The following CELF2 variants were observed in gnomAD, a reference collection of about 807,000 sequenced individuals.
CELF2 encodes the protein CUG triplet repeat RNA-binding protein 2.
In CELF2, 8 loss-of-function variants were observed where a neutral mutation model predicts 62.6. The ratio of observed to expected loss-of-function variants is 0.13; its 90% confidence interval spans 0.07 to 0.23. CELF2 has a LOEUF of 0.23. Ranked by LOEUF, CELF2 falls within the 10% of genes least tolerant of loss-of-function variation. The probability of loss-of-function intolerance (pLI) is 1.00; values close to 1 mark genes in which losing one functional copy is unlikely to be tolerated. For synonymous variants in CELF2, 258 were observed against 250.0 expected (o/e 1.03, Z -0.30); for missense variants, 333 against 671.0 (o/e 0.50, Z 5.56).
chr10:11,115,910 C>T (rs1490298902), intron 1 of CELF2, among the ~76,000 whole-genome samples: 1 of 152,120 alleles, frequency 6.6e-6, no homozygotes, highest in African/African-American at 2.4e-5. Flanking sequence ...ACATCTTGTA[C>T]CACCTTCCTT....
chr10:10,979,674 A>G (rs2051826083), intron 2 of CELF2, among the ~76,000 whole-genome samples: 1 of 102,308 alleles, frequency 9.8e-6, no homozygotes, highest in African/African-American at 7.2e-5. Context: ...TTGTCTCTCA[A>G]AAAAAAAAAA....
At chr10:11,065,180 T>C (rs2067765001) in intron 1 of CELF2, among the ~76,000 whole-genome samples, 1 of 152,190 alleles carries the variant, frequency 6.6e-6, no homozygotes, top group Non-Finnish European at 1.5e-5. Context: ...AGGTGGTCAG[T>C]GTATCTTGGG....
intron 12 of CELF2, 62 bp downstream of exon 12, chr10:11,326,041 G>C: frequency 6.7e-7 from 1 of 1,501,678 alleles, no homozygotes; most frequent in Admixed American, 2.0e-5. Context: ...GTCGTGGGAA[G>C]GAAAATGTGA....
At chr10:11,164,967 T>G in intron 1 of CELF2, 5 of 651,150 alleles carry the variant, frequency 7.7e-6, no homozygotes, top group Non-Finnish European at 9.5e-6. Flanking sequence ...TGCCAAGTGT[T>G]TCATTTTCTT....
At chr10:10,904,881 T>C (rs1240968986) in intron 1 of CELF2, among the ~76,000 whole-genome samples, 16 of 152,224 alleles carry the variant, frequency 1.1e-4, no homozygotes, top group Admixed American at 1.0e-3. Flanking sequence ...CACTTCAAGA[T>C]CTATAAGTAA....
the CELF2 span, among the ~76,000 whole-genome samples, chr10:10,693,296 A>G: frequency 7.8e-6 from 1 of 128,466 alleles, no homozygotes; most frequent in African/African-American, 3.0e-5. Context: ...GGCTCTGTTT[A>G]TATGCTGGAT....
At chr10:10,570,832 A>G in the CELF2 span, among the ~76,000 whole-genome samples, 4 of 152,184 alleles carry the variant, frequency 2.6e-5, no homozygotes, top group Non-Finnish European at 5.9e-5. Flanking sequence ...GAGTTTCAGA[A>G]GAAGAGCATG....
chr10:11,238,931 A>G (rs549201787), intron 3 of CELF2, among the ~76,000 whole-genome samples: 12 of 152,236 alleles, frequency 7.9e-5, no homozygotes, highest in Non-Finnish European at 1.5e-4. Flanking sequence ...GTATGAAAAC[A>G]CAGAACCTAA....
At chr10:10,495,215 G>T in the CELF2 span, among the ~76,000 whole-genome samples, 1 of 152,164 alleles carries the variant, frequency 6.6e-6, no homozygotes, top group South Asian at 2.1e-4. Flanking sequence ...GAAGGCGGAT[G>T]TTGCAGTGAG....
the CELF2 span, among the ~76,000 whole-genome samples, chr10:10,645,616 C>T: frequency 1.8e-4 from 28 of 152,200 alleles, no homozygotes; most frequent in Admixed American, 4.6e-4. Flanking sequence ...ATTGCACCAC[C>T]GCACTTCAGC....
chr10:10,657,153 A>G, the CELF2 span, among the ~76,000 whole-genome samples: 1 of 152,272 alleles, frequency 6.6e-6, no homozygotes, highest in East Asian at 1.9e-4. Context: ...GAAGTCAGAC[A>G]CAAAAGGCCA....
chr10:10,494,548 A>G, the CELF2 span, among the ~76,000 whole-genome samples: 1 of 152,086 alleles, frequency 6.6e-6, no homozygotes, highest in African/African-American at 2.4e-5. Context: ...TCTAATTAAC[A>G]AAAAGGAAAG....
chr10:10,779,216 G>A, the CELF2 span, among the ~76,000 whole-genome samples: 7 of 152,144 alleles, frequency 4.6e-5, no homozygotes, highest in Non-Finnish European at 1.0e-4. Flanking sequence ...TATCTCCAAG[G>A]TTTAAAGAAT....
Position 11,017,890 on chromosome 10 carries a change from T to A in CELF2, c.-200T>A. On this transcript the variant is annotated 5_prime_UTR_variant, in exon 1 of 13. Transcript: ENST00000633077. This position sits in a 1 kb window ranked among gnomAD's most constrained non-coding sequence, Gnocchi z 5.5. ...GAGCTCCGCCCCCGCCCGCCGCACC[T>A]GGCGCTCGGCAGCCGGCCGCCCCGG... 1.1e-6 allele frequency: 1 copy of A among 948,676 alleles called. No individual in the cohort carries two copies. The highest frequency in any genetic ancestry group is 5.4e-4 in the Middle Eastern group (1 of 1,862). The allele number at this position is 948,676 out of a possible 1,614,324, so 58.8% of individuals were successfully genotyped here. A position where few individuals can be genotyped will look rare whatever the true frequency, so the allele number is the denominator to read the frequency against.
At chr10:10,866,746 C>A (rs1400052506) in intron 1 of CELF2, among the ~76,000 whole-genome samples, 1 of 151,064 alleles carries the variant, frequency 6.6e-6, no homozygotes, top group African/African-American at 2.4e-5. Context: ...CACGGTAAAA[C>A]CCCATCTTTA....
chr10:10,950,506 G>A lies in CELF2; in HGVS notation c.89+30507G>A, dbSNP rs550652347. 1.2e-4 allele frequency among the ~76,000 whole-genome samples: 18 copies of A among 152,242 alleles called. No individual in the cohort carries two copies. The East Asian group carries it at 2.1e-3, about 18-fold the overall frequency. On this transcript the variant is annotated intron_variant, in intron 2 of 13. Transcript: ENST00000636488. The stretch of plus-strand genomic sequence containing the variant: ...AATGTTCATTTTATTCTGTGTGTGC[G>A]AGGGGATACGTATGATTTCTTTAAT...
At chr10:10,970,159 T>C (rs1443819604) in intron 2 of CELF2, among the ~76,000 whole-genome samples, 2 of 152,084 alleles carry the variant, frequency 1.3e-5, no homozygotes, top group Non-Finnish European at 2.9e-5. Context: ...GCCTCCTTCT[T>C]GCAGGGTCAA....
intron 1 of CELF2, among the ~76,000 whole-genome samples, chr10:11,121,923 G>A (rs2057833684): frequency 6.6e-6 from 1 of 152,156 alleles, no homozygotes; most frequent in South Asian, 2.1e-4. Flanking sequence ...CCTCAAGAAA[G>A]GGCTCAGTGC....
At position 11,314,433 on chromosome 10, in the gene CELF2, C is replaced by T; in HGVS notation, c.1096+175C>T. On this transcript the variant is annotated intron_variant, in intron 10 of 12. Transcript: ENST00000633077. The surrounding 1 kb of genome is among the most constrained non-coding windows in gnomAD (Gnocchi z 5.3). ...AAAGCTGTCTACACTCGTTTTGCCT[C>T]AGAAAATCCCCAACCACTCTCCACC... The T allele has an allele frequency of 1.3e-6, 1 of 780,856 alleles. No individual in the cohort carries two copies. Among genetic ancestry groups the T allele is most frequent in the Non-Finnish European group, 2.2e-6 (1 of 460,790 alleles). 48.4% of individuals were successfully genotyped at this position (780,856 alleles called of 1,614,324 possible).
Sources: allele counts gnomAD v4.1 joint callset (sites outside exome capture counted in the v4.1 genomes callset), GRCh38; gene constraint gnomAD v4.1.1; non-coding constraint Gnocchi (gnomAD v3.1); transcripts MANE v1.5; gene names NCBI Gene and HGNC (gene_info 2026-07-23, HGNC 2026-07-21).